Variants in APOL2 observed in about 807,000 individuals in gnomAD.
APOL2 encodes the protein apolipoprotein L2.
Under a neutral mutation model 7.1 loss-of-function variants are expected in APOL2, and 8 were observed. That is an observed-to-expected ratio of 1.12 (90% CI 0.66 to 2.03). The LOEUF is 2.03. Ranked by LOEUF, APOL2 falls within the 30% of genes most tolerant of loss-of-function variation. The pLI is 0.00. For synonymous variants in APOL2, 177 were observed against 159.9 expected (o/e 1.11, Z -0.81); for missense variants, 471 against 415.1 (o/e 1.13, Z -1.17).
In APOL2 at chr22:36,228,138, C is replaced by T. The variant is rs2015085883; in HGVS notation, c.280G>A (p.Asp94Asn). The T allele has an allele frequency of 1.9e-6, 3 of 1,614,214 alleles. No homozygotes were observed. The highest frequency in any genetic ancestry group is 2.2e-5 in the East Asian group (1 of 44,878). ...AGGGCACGGAGCTTCCTTATGTGAT[C>T]CTCAAGCTCCCTTTTCAACCGAGGA... The part of the protein sequence containing the change: ...EFPRLKRELE[D>N]HIRKLRALAE... Residue 94 changes from aspartate (D) to asparagine (N), a missense_variant, in exon 5 of 5, where the codon GAT becomes AAT. Transcript: ENST00000358502.
At chr22:36,237,255 T>C in intron 1 of APOL2, 1 of 1,359,282 alleles carries the variant, frequency 7.4e-7, no homozygotes, top group Non-Finnish European at 9.5e-7. Context: ...CTGAGCGACC[T>C]GGAAGAGGAG....
chr22:36,229,459 G>C (rs553772050), intron 4 of APOL2, among the ~76,000 whole-genome samples: 3 of 152,304 alleles, frequency 2.0e-5, no homozygotes, highest in East Asian at 3.9e-4. Flanking sequence ...TGGCAACACC[G>C]CATGTGTTTT....
chr22:36,231,051 A>G (rs1233752322), intron 4 of APOL2, among the ~76,000 whole-genome samples: 1 of 152,232 alleles, frequency 6.6e-6, no homozygotes, highest in East Asian at 1.9e-4. Flanking sequence ...ATAAAACTCC[A>G]TTGATGAAGA....
chr22:36,236,905 G>A (rs2015422413), intron 1 of APOL2: 4 of 1,302,624 alleles, frequency 3.1e-6, no homozygotes, highest in Middle Eastern at 5.7e-4. Context: ...CGGGGTGACG[G>A]GAGGGGGTCT....
At chr22:36,237,495 A>G in intron 1 of APOL2, 1 of 629,866 alleles carries the variant, frequency 1.6e-6, no homozygotes, top group Non-Finnish European at 2.0e-6. Flanking sequence ...TGTAGCCTAG[A>G]GCCCCTGGGC....
In APOL2 at chr22:36,227,177, G is replaced by A. The variant is rs566048733; in HGVS notation, c.*227C>T. Reference sequence around the variant, plus strand: ...GAAAATACAAAAAAATTAGCCGGGCGTGGTGGCAGGTGCCTGTAGTCCCAG... The same window carrying A: ...GAAAATACAAAAAAATTAGCCGGGCATGGTGGCAGGTGCCTGTAGTCCCAG... On this transcript the variant is annotated 3_prime_UTR_variant, in exon 5 of 5. Transcript: ENST00000358502. 3.6e-5 allele frequency: 16 copies of A among 444,292 alleles called. No individual in the cohort carries two copies. In the South Asian group the frequency reaches 4.5e-4, roughly 13 times the overall value. The allele number at this position is 444,292 out of a possible 1,614,324, so 27.5% of individuals were successfully genotyped here. A position where few individuals can be genotyped will look rare whatever the true frequency, so the allele number is the denominator to read the frequency against.
chr22:36,235,660 T>G (rs1030835035), intron 1 of APOL2, among the ~76,000 whole-genome samples: 1 of 150,164 alleles, frequency 6.7e-6, no homozygotes, highest in Non-Finnish European at 1.5e-5. Context: ...AGGAGCTATA[T>G]GGGGAATAGA....
intron 1 of APOL2, among the ~76,000 whole-genome samples, chr22:36,238,144 T>A (rs1034269129): frequency 6.6e-6 from 1 of 152,102 alleles, no homozygotes; most frequent in African/African-American, 2.4e-5. Flanking sequence ...ACTGTTGTGT[T>A]CCCAGCTGCA....
At chr22:36,233,883 T>C (rs1373319106) in intron 1 of APOL2, among the ~76,000 whole-genome samples, 1 of 152,192 alleles carries the variant, frequency 6.6e-6, no homozygotes, top group Non-Finnish European at 1.5e-5. Context: ...CAAATCCCTG[T>C]CTCACACTCT....
chr22:36,235,223 G>C (rs113554095), intron 1 of APOL2, among the ~76,000 whole-genome samples: 66 of 152,324 alleles, frequency 4.3e-4, no homozygotes, highest in African/African-American at 1.4e-3. Flanking sequence ...CATGACTGAA[G>C]CAATATGCCC....
At chr22:36,229,973 C>A (rs527416776) in intron 4 of APOL2, among the ~76,000 whole-genome samples, 25 of 152,346 alleles carry the variant, frequency 1.6e-4, no homozygotes, top group African/African-American at 2.4e-4. Flanking sequence ...GCACCCCCAA[C>A]CTTCCAGGTC....
intron 1 of APOL2, chr22:36,239,211 T>A: frequency 3.0e-6 from 4 of 1,334,162 alleles, no homozygotes; most frequent in Non-Finnish European, 3.8e-6. Context: ...TGTGAACCCA[T>A]CTAAGCTGTT....
intron 4 of APOL2, among the ~76,000 whole-genome samples, chr22:36,230,052 G>A (rs2015163158): frequency 6.6e-6 from 1 of 152,234 alleles, no homozygotes; most frequent in African/African-American, 2.4e-5. Context: ...GCACAGCAAG[G>A]CCATGTGCAA....
chr22:36,234,004 C>G (rs1246840375), intron 1 of APOL2, among the ~76,000 whole-genome samples: 1 of 152,178 alleles, frequency 6.6e-6, no homozygotes, highest in Admixed American at 6.5e-5. Context: ...CTGCTAGATG[C>G]CGGCCCAGCC....
At chr22:36,231,544 A>T (rs2015225951) in intron 3 of APOL2, 78 bp from the exon 4 acceptor site, 2 of 1,539,588 alleles carry the variant, frequency 1.3e-6, no homozygotes, top group Admixed American at 3.4e-5. Context: ...AGGTGGTTAC[A>T]TGTTAATTTT....
At chr22:36,233,321 G>A in intron 2 of APOL2, 80 bp from the exon 3 acceptor site, 1 of 1,593,212 alleles carries the variant, frequency 6.3e-7, no homozygotes, top group Non-Finnish European at 8.6e-7. Flanking sequence ...CTGGGTCTTT[G>A]CAGATCCCTC....
At chr22:36,239,710 G>A (rs5756111), upstream of APOL2, 200,917 of 568,204 alleles carry the variant, frequency 0.35, 36,964 homozygotes, top group Middle Eastern at 0.45. Context: ...CCAGACATCC[G>A]GGTCCCTCTC....
chr22:36,228,354 T>A, intron 4 of APOL2, 74 bp from the exon 5 acceptor site: 1 of 1,512,298 alleles, frequency 6.6e-7, no homozygotes, highest in South Asian at 1.3e-5. Context: ...GCGATCTCTA[T>A]CCTGTGTAAA....
At chr22:36,235,831 A>G (rs573575607) in intron 1 of APOL2, among the ~76,000 whole-genome samples, 93 of 151,388 alleles carry the variant, frequency 6.1e-4, no homozygotes, top group African/African-American at 2.1e-3. Flanking sequence ...ATAACCAAGA[A>G]AGAAAAAGAC....
Sources: gnomAD v4.1 joint callset for allele counts (sites outside exome capture counted in the v4.1 genomes callset) on GRCh38, gnomAD v4.1.1 for gene constraint, MANE v1.5 for transcripts, NCBI Gene and HGNC (gene_info 2026-07-23, HGNC 2026-07-21) for gene names.